Variants in ZNF839 observed in about 807,000 individuals in gnomAD.
ZNF839 encodes the protein renal carcinoma antigen NY-REN-50.
ZNF839 carries 38 observed loss-of-function variants against 56.4 expected under a neutral mutation model. The ratio of observed to expected loss-of-function variants is 0.67; its 90% CI spans 0.52 to 0.88. ZNF839 has a LOEUF of 0.88. ZNF839 is among the 40% of genes least tolerant of loss of function. The pLI, the probability that ZNF839 is intolerant of heterozygous loss-of-function variation, is 0.00. For missense variants in ZNF839, 1,091 were observed against 1,177.6 expected, an observed-to-expected ratio of 0.93 and a Z score of 1.08; for synonymous variants, 486 against 493.5, an observed-to-expected ratio of 0.98 and a Z score of 0.20.
chr14:102,336,490 T>C (rs1885724362), intron 5 of ZNF839: 7 of 290,536 alleles, frequency 2.4e-5, no homozygotes, highest in South Asian at 2.1e-4. Context: ...AGACAGGGTT[T>C]CACCGTGTTG....
At chr14:102,319,738 C>G (rs1260289680), upstream of ZNF839, 4 of 1,227,746 alleles carry the variant, frequency 3.3e-6, no homozygotes, top group South Asian at 8.2e-5. This position sits in a 1 kb window ranked among gnomAD's most constrained non-coding sequence, Gnocchi z 4.5. Flanking sequence ...GCTCAGCGAC[C>G]CGGGTTCGAG....
At chr14:102,330,773 C>T (rs1465651314) in intron 2 of ZNF839, among the ~76,000 whole-genome samples, 1 of 152,188 alleles carries the variant, frequency 6.6e-6, no homozygotes. Context: ...CCGCCTCGGC[C>T]TCCCAAAGTG....
chr14:102,326,967 T>C lies in ZNF839; in HGVS notation c.1191+80T>C. Reference sequence around the variant, plus strand: ...TAAAGAAATACCTGAGACCAGGTATTTTATAAAGAAAAGAGGGTTGGCTCA... The same window carrying C: ...TAAAGAAATACCTGAGACCAGGTATCTTATAAAGAAAAGAGGGTTGGCTCA... On this transcript the variant is annotated intron_variant, in intron 2 of 7. Coordinates refer to ENST00000442396, the MANE Select transcript of ZNF839 (RefSeq NM_018335.6). This position sits in a 1 kb window ranked among gnomAD's most constrained non-coding sequence, Gnocchi z 4.3. 1.4e-6 allele frequency: 2 copies of C among 1,406,962 alleles called. No individual in the cohort carries two copies. The highest frequency in any genetic ancestry group is 1.9e-6 in the Non-Finnish European group (2 of 1,065,366). The allele number at this position is 1,406,962 out of a possible 1,614,324, so 87.2% of individuals were successfully genotyped here.
In ZNF839 at chr14:102,335,772, G is replaced by A. The variant is rs776474156; in HGVS notation, c.1593G>A (p.Met531Ile). 6.2e-7 allele frequency: 1 copy of A among 1,606,028 alleles called. No homozygotes were observed. Among genetic ancestry groups the A allele is most frequent in the Admixed American group, 1.7e-5 (1 of 60,018 alleles). ...AGTTGCATAAAATGGTTAAGAAAAT[G>A]TGCCAAGATTACCTCAGTAGTTCTG... ...FEELHKMVKK[M>I]CQDYLSSSGL... Residue 531 changes from methionine to isoleucine, a missense_variant, in exon 5 of 8, where the codon ATG (methionine) becomes ATA (isoleucine). Met to Ile is a conservative substitution (Grantham distance 10, BLOSUM62 1). Around this residue, in one of 3 missense-constraint regions of ZNF839, gnomAD observed 46 missense variants for 80.4 expected, o/e 0.57. Transcript: ENST00000442396.
chr14:102,341,747 G>T lies in ZNF839; in HGVS notation c.2352G>T (p.Gln784His). ...GTGACTTCCACCTGAACCACCAGCA[G>T]CCCAGCCCCACCAGCGTCCTGCCTA... Reference protein sequence around the residue: ...KVCDFHLNHQQPSPTSVLPTE... With the variant: ...KVCDFHLNHQHPSPTSVLPTE... The change falls in exon 8 of 8, where the codon CAG becomes CAT. Residue 784 changes from glutamine to histidine, a missense_variant. Around this residue, in one of 3 missense-constraint regions of ZNF839, gnomAD observed 431 missense variants for 468.0 expected, o/e 0.92. Coordinates refer to ENST00000442396, the MANE Select transcript of ZNF839 (RefSeq NM_018335.6). 1 of 1,613,996 alleles carries T rather than the reference G, an allele frequency of 6.2e-7. No individual in the cohort carries two copies. Among genetic ancestry groups the T allele is most frequent in the Non-Finnish European group, 8.5e-7 (1 of 1,179,882 alleles).
At chr14:102,338,119 G>A (rs531745132) in intron 5 of ZNF839, among the ~76,000 whole-genome samples, 12 of 152,320 alleles carry the variant, frequency 7.9e-5, no homozygotes, top group South Asian at 2.1e-4. Flanking sequence ...AGGCAGGATC[G>A]TTTTTCTCAA....
intron 2 of ZNF839, among the ~76,000 whole-genome samples, chr14:102,330,420 G>T (rs1017968871): frequency 6.6e-6 from 1 of 151,778 alleles, no homozygotes; most frequent in Non-Finnish European, 1.5e-5. Flanking sequence ...TTTTAGTAGA[G>T]ACGGGGTTTT....
chr14:102,341,087 AAAG>A, intron 7 of ZNF839: 1 of 297,410 alleles, frequency 3.4e-6, no homozygotes, highest in Non-Finnish European at 6.0e-6. Context: ...AAAAAAAAAA[AAAG>A]CACACTGTCG....
rs2139437254 is a variant in ZNF839, at chr14:102,319,756, C to T, written c.-10C>T. The T allele has an allele frequency of 5.7e-6, 7 of 1,229,516 alleles. No individual in the cohort carries two copies. The South Asian group carries it at 2.4e-4, about 43-fold the overall frequency. The allele number at this position is 1,229,516 out of a possible 1,614,324, so 76.2% of individuals were successfully genotyped here. ...CAGCGACCCGGGTTCGAGTCCCCGC[C>T]TCGGCCGCCATGGCGGATGCGGAGC... On this transcript the variant is annotated 5_prime_UTR_variant, in exon 1 of 8. Coordinates refer to ENST00000442396, the MANE Select transcript of ZNF839 (RefSeq NM_018335.6). This position sits in a 1 kb window ranked among gnomAD's most constrained non-coding sequence, Gnocchi z 4.5.
intron 5 of ZNF839, among the ~76,000 whole-genome samples, chr14:102,337,913 A>C (rs1886012538): frequency 6.6e-6 from 1 of 152,208 alleles, no homozygotes; most frequent in African/African-American, 2.4e-5. Flanking sequence ...TATGGAGTCA[A>C]ATCTCATCTT....
intron 1 of ZNF839, among the ~76,000 whole-genome samples, chr14:102,321,616 A>T (rs1336639900): frequency 1.3e-5 from 2 of 152,196 alleles, no homozygotes; most frequent in Non-Finnish European, 2.9e-5. Context: ...GGCAAACCGG[A>T]TGCGTACTTT....
intron 5 of ZNF839, chr14:102,337,409 TCCGC>T (rs1457102635): frequency 6.6e-6 from 1 of 152,018 alleles, no homozygotes; most frequent in East Asian, 1.9e-4. Context: ...CCTCAAGTGA[TCCGC>T]CCGCCTCAGC....
At chr14:102,325,213 G>A (rs1177259497) in intron 1 of ZNF839, among the ~76,000 whole-genome samples, 2 of 151,636 alleles carry the variant, frequency 1.3e-5, no homozygotes, top group African/African-American at 4.8e-5. Flanking sequence ...AAAATTAGCT[G>A]GGTGTGGTGG....
At chr14:102,338,319 C>G (rs572301082) in intron 5 of ZNF839, among the ~76,000 whole-genome samples, 2 of 152,226 alleles carry the variant, frequency 1.3e-5, no homozygotes, top group Non-Finnish European at 2.9e-5. Flanking sequence ...GGGTGGATCA[C>G]TTGAGGCCAG....
At chr14:102,328,395 T>A (rs1454546243) in intron 2 of ZNF839, among the ~76,000 whole-genome samples, 25 of 104,504 alleles carry the variant, frequency 2.4e-4, no homozygotes, top group East Asian at 1.0e-3. Flanking sequence ...TATATATATA[T>A]ATATATATAT....
intron 2 of ZNF839, among the ~76,000 whole-genome samples, chr14:102,329,478 C>T (rs768823185): frequency 4.0e-5 from 6 of 151,016 alleles, no homozygotes; most frequent in African/African-American, 9.8e-5. Context: ...TCTGCCCCCT[C>T]GTTTCAAGCA....
chr14:102,324,110 G>A lies in ZNF839; in HGVS notation c.289-1875G>A, dbSNP rs138637538. On this transcript the variant is annotated intron_variant, in intron 1 of 7. Transcript: ENST00000442396. ...ACAGGGTGAAGAAACAGGCATGCAG[G>A]TTGTGCAGTAGGAAGCTGGGTAACA... Among the ~76,000 whole-genome samples the A allele has an allele frequency of 1.7e-3, 254 of 152,280 alleles. 1 individual carries two copies. The highest frequency in any genetic ancestry group is 5.9e-3 in the African/African-American group (244 of 41,548).
intron 2 of ZNF839, among the ~76,000 whole-genome samples, chr14:102,327,478 C>T (rs2073479497): frequency 6.6e-6 from 1 of 152,084 alleles, no homozygotes; most frequent in African/African-American, 2.4e-5. Context: ...CATGAGAACT[C>T]ACTCACTGTC....
Position 102,329,766 on chromosome 14 carries a change from T to C in ZNF839, c.1192-1856T>C, listed in dbSNP as rs548319270. ...TCTTTAGGCATTTCTACATATAAGA[T>C]CATATCTGCAAATAGAGATAACCTT... On this transcript the variant is annotated intron_variant, in intron 2 of 7. Coordinates refer to ENST00000442396, the MANE Select transcript of ZNF839 (RefSeq NM_018335.6). Among the ~76,000 whole-genome samples, 20 of 148,804 alleles carry C rather than the reference T, an allele frequency of 1.3e-4. 1 individual carries two copies. The South Asian group carries it at 4.2e-3, about 32-fold the overall frequency.
Sources: gnomAD v4.1 joint callset for allele counts (sites outside exome capture counted in the v4.1 genomes callset) on GRCh38, gnomAD v4.1.1 for gene constraint, gnomAD v4.1.1 regional missense constraint, Gnocchi (gnomAD v3.1) non-coding constraint, MANE v1.5 for transcripts, NCBI Gene and HGNC (gene_info 2026-07-23, HGNC 2026-07-21) for gene names.